The following CLIP1 variants were observed in gnomAD, a reference collection of about 807,000 sequenced individuals.
CLIP1 encodes CAP-Gly domain-containing linker protein 1.
A neutral mutation model predicts 161.6 loss-of-function variants in CLIP1; 66 were observed. The ratio of observed to expected loss-of-function variants is 0.41; its 90% CI spans 0.33 to 0.50. CLIP1 has a LOEUF of 0.50. CLIP1 is among the 20% of genes least tolerant of loss of function. The pLI is 0.27. For synonymous variants in CLIP1, 598 were observed against 626.2 expected (o/e 0.96, Z 0.67); for missense variants, 1,376 against 1,702.0 (o/e 0.81, Z 3.37).
At chr12:122,319,677 G>A (rs767160705) in intron 17 of CLIP1, among the ~76,000 whole-genome samples, 1 of 152,184 alleles carries the variant, frequency 6.6e-6, no homozygotes, top group Non-Finnish European at 1.5e-5. Context: ...TTGAGAGACC[G>A]TTCGGAGGTA....
intron 1 of CLIP1, chr12:122,399,295 G>A (rs531116474): frequency 6.6e-6 from 1 of 152,248 alleles, no homozygotes; most frequent in South Asian, 2.1e-4. Flanking sequence ...TACCTTCACA[G>A]TTCTAGTCCT....
chr12:122,279,026 A>AC lies in CLIP1; in HGVS notation c.3765+1dup. On this transcript the variant is annotated splice_donor_variant, in intron 22 of 25. Coordinates refer to ENST00000620786, the MANE Select transcript of CLIP1 (RefSeq NM_001247997.2). LOFTEE classifies it high-confidence loss of function. This position sits in a 1 kb window ranked among gnomAD's most constrained non-coding sequence, Gnocchi z 4.5. ...GCTCGTGCACCCTGGGTGGTACTCTACCTCATTTCTCAGTTTCTCCAGCTC... is the reference window on the plus strand; with the variant it reads ...GCTCGTGCACCCTGGGTGGTACTCTACCCTCATTTCTCAGTTTCTCCAGCTC... The AC allele has an allele frequency of 6.2e-7, 1 of 1,607,080 alleles. No homozygotes were observed. Among genetic ancestry groups the AC allele is most frequent in the Non-Finnish European group, 8.5e-7 (1 of 1,175,264 alleles).
At chr12:122,297,319 C>T (rs1407420409) in intron 20 of CLIP1, among the ~76,000 whole-genome samples, 4 of 152,134 alleles carry the variant, frequency 2.6e-5, no homozygotes, top group Non-Finnish European at 4.4e-5. Flanking sequence ...GCTTTGTAGG[C>T]TCAGTAAAAC....
chr12:122,399,357 G>C (rs1283435665), intron 1 of CLIP1: 1 of 152,200 alleles, frequency 6.6e-6, no homozygotes, highest in African/African-American at 2.4e-5. Flanking sequence ...GGATTCAGAA[G>C]TGAAAGGAAA....
chr12:122,293,259 G>T (rs994312481), intron 20 of CLIP1, among the ~76,000 whole-genome samples: 1 of 152,048 alleles, frequency 6.6e-6, no homozygotes, highest in Admixed American at 6.6e-5. Flanking sequence ...TCAGGAGAAC[G>T]CAAACTGAAA....
At chr12:122,295,179 G>A (rs1037239299) in intron 20 of CLIP1, among the ~76,000 whole-genome samples, 4 of 151,974 alleles carry the variant, frequency 2.6e-5, no homozygotes, top group East Asian at 3.8e-4. Context: ...AAGACCAGCC[G>A]GCCAACACGA....
intron 3 of CLIP1, among the ~76,000 whole-genome samples, chr12:122,366,603 G>C (rs956759407): frequency 6.6e-6 from 1 of 152,230 alleles, no homozygotes; most frequent in African/African-American, 2.4e-5. Flanking sequence ...CACTTTGGGA[G>C]GCCAAGGCAG....
intron 15 of CLIP1, 105 bp downstream of exon 15, chr12:122,332,882 A>G: frequency 1.1e-6 from 1 of 878,746 alleles, no homozygotes; most frequent in Non-Finnish European, 1.7e-6. Context: ...CAGAGACGGG[A>G]AACTTTAAAA....
chr12:122,345,789 C>CT (rs538550811), intron 10 of CLIP1, among the ~76,000 whole-genome samples: 2,979 of 142,954 alleles, frequency 0.021, 72 homozygotes, highest in African/African-American at 0.061. Context: ...ATTTCTTTTT[C>CT]TTTTTTTTTT....
intron 17 of CLIP1, among the ~76,000 whole-genome samples, chr12:122,320,714 ACT>A (rs1230263724): frequency 1.4e-5 from 2 of 144,650 alleles, no homozygotes; most frequent in Non-Finnish European, 3.0e-5. Context: ...ACAGAGCGAG[ACT>A]CTTTTTTTTT....
chr12:122,389,824 C>A (rs1955514841), intron 1 of CLIP1, among the ~76,000 whole-genome samples: 1 of 133,646 alleles, frequency 7.5e-6, no homozygotes, highest in African/African-American at 2.7e-5. Flanking sequence ...GTTTGGATAT[C>A]TGTCTTCTGC....
chr12:122,274,432 A>G (rs528561790), intron 24 of CLIP1: 1 of 286,700 alleles, frequency 3.5e-6, no homozygotes, highest in African/African-American at 2.1e-5. Context: ...GATTTCTTCA[A>G]ATGTTCATTA....
chr12:122,293,852 T>C (rs1479761954), intron 20 of CLIP1, among the ~76,000 whole-genome samples: 1 of 149,298 alleles, frequency 6.7e-6, no homozygotes, highest in Non-Finnish European at 1.5e-5. Context: ...TTGCCCAGGC[T>C]GGAGTGCAGC....
At position 122,364,114 on chromosome 12, in the gene CLIP1, G is replaced by A. The variant is rs761668254; in HGVS notation, c.658-7C>T. On this transcript the variant is annotated splice_region_variant and splice_polypyrimidine_tract_variant and intron_variant, in intron 3 of 25. Coordinates refer to ENST00000620786, the MANE Select transcript of CLIP1 (RefSeq NM_001247997.2). The stretch of plus-strand genomic sequence containing the variant: ...CAGCCTTAGTGCCACCAACCTGGAA[G>A]AAGAGAAGGTTAAAATAAAGAGATG... 5.0e-6 allele frequency: 8 copies of A among 1,613,800 alleles called. No homozygotes were observed. Among genetic ancestry groups the A allele is most frequent in the Middle Eastern group, 1.7e-4 (1 of 6,056 alleles).
chr12:122,416,931 C>T (rs1487353933), intron 1 of CLIP1, among the ~76,000 whole-genome samples: 4 of 151,552 alleles, frequency 2.6e-5, no homozygotes, highest in African/African-American at 7.3e-5. Flanking sequence ...ACATGGTGCC[C>T]AGGTGTGGTG....
chr12:122,355,117 G>C lies in CLIP1; in HGVS notation c.1201C>G (p.Gln401Glu). Residue 401 changes from glutamine to glutamate, a missense_variant and splice_region_variant, in exon 6 of 26, where the codon CAG becomes GAG. Gln to Glu is a conservative substitution (Grantham distance 29, BLOSUM62 2). Around this residue, in one of 6 missense-constraint regions of CLIP1, gnomAD observed 211 missense variants for 295.1 expected, o/e 0.72. Transcript: ENST00000620786. The surrounding 1 kb of genome is among the most constrained non-coding windows in gnomAD (Gnocchi z 4.1). ...ELALARDGHD[Q>E]HVLELEAKMD... ...CCGCAACAAGGTCCAGACTTCACCT[G>C]GTCATGTCCGTCCCGGGCCAGAGCT... 6.2e-7 allele frequency: 1 copy of C among 1,613,858 alleles called. No individual in the cohort carries two copies. The highest frequency in any genetic ancestry group is 8.5e-7 in the Non-Finnish European group (1 of 1,179,792).
chr12:122,295,461 T>G (rs1185834944), intron 20 of CLIP1, among the ~76,000 whole-genome samples: 1 of 152,224 alleles, frequency 6.6e-6, no homozygotes, highest in South Asian at 2.1e-4. Context: ...TTTTCTACTG[T>G]GGTAAGGGAA....
Position 122,309,743 on chromosome 12 carries a change from C to T in CLIP1, c.3594+19G>A, listed in dbSNP as rs1397557573. 2 of 1,612,052 alleles carry T rather than the reference C, an allele frequency of 1.2e-6. No individual in the cohort carries two copies. Among genetic ancestry groups the T allele is most frequent in the Non-Finnish European group, 8.5e-7 (1 of 1,179,860 alleles). ...ACCCAGCATGGCACAGCTGGAACCCCTCGCCAAAGGACACTGACCTTTTGA... is the reference window on the plus strand; with the variant it reads ...ACCCAGCATGGCACAGCTGGAACCCTTCGCCAAAGGACACTGACCTTTTGA... On this transcript the variant is annotated intron_variant, in intron 20 of 25. Coordinates refer to ENST00000620786, the MANE Select transcript of CLIP1 (RefSeq NM_001247997.2).
rs544503896 is a variant in CLIP1 at position 122,396,771 on chromosome 12, AT to A, written c.-106-16214del. On this transcript the variant is annotated intron_variant, in intron 1 of 25. Transcript: ENST00000620786. ...CACCAAGACTTTTTTGTTGTTGTTT[AT>A]TTTTTTTTTTTTGAGGCAGAGTCTT... is the stretch of plus-strand genomic sequence containing the variant. 9.3e-3 allele frequency: 1,315 copies of A among 141,378 alleles called. 12 individuals carry two copies. The highest frequency in any genetic ancestry group is 0.026 in the African/African-American group (994 of 38,742). 8.8% of individuals were successfully genotyped at this position (141,378 alleles called of 1,614,324 possible). A position where few individuals can be genotyped will look rare whatever the true frequency, so the allele number is the denominator to read the frequency against.
Sources: allele counts gnomAD v4.1 joint callset (sites outside exome capture counted in the v4.1 genomes callset), GRCh38; gene constraint gnomAD v4.1.1; regional missense constraint gnomAD v4.1.1; non-coding constraint Gnocchi (gnomAD v3.1); transcripts MANE v1.5; gene names NCBI Gene and HGNC (gene_info 2026-07-23, HGNC 2026-07-21).